Variants in EXPH5 observed in about 807,000 individuals in gnomAD.
EXPH5 encodes exophilin-5.
Under a neutral mutation model 41.1 loss-of-function variants are expected in EXPH5, and 42 were observed. The observed-to-expected ratio is 1.02, with a 90% CI of 0.80 to 1.32. EXPH5 has a LOEUF of 1.32. EXPH5 is among the 40% of genes most tolerant of loss of function. The probability of loss-of-function intolerance (pLI) is 0.00; values close to 1 mark genes in which losing one functional copy is unlikely to be tolerated. For synonymous variants in EXPH5, 798 were observed against 833.5 expected, an observed-to-expected ratio of 0.96 and a Z score of 0.73; for missense variants, 2,298 against 2,314.5, an observed-to-expected ratio of 0.99 and a Z score of 0.15.
At chr11:108,555,680 G>A (rs185601714) in intron 1 of EXPH5, among the ~76,000 whole-genome samples, 9 of 152,232 alleles carry the variant, frequency 5.9e-5, no homozygotes, top group Admixed American at 2.0e-4. Context: ...TCATGGGGGC[G>A]GTTTCCCTAT....
intron 1 of EXPH5, among the ~76,000 whole-genome samples, chr11:108,554,584 A>C (rs753179941): frequency 6.6e-6 from 1 of 151,934 alleles, no homozygotes; most frequent in Non-Finnish European, 1.5e-5. Context: ...TGGGGGTGGG[A>C]ATTATGTATC....
At chr11:108,593,888 G>C (rs1450122398), upstream of EXPH5, 2 of 732,222 alleles carry the variant, frequency 2.7e-6, no homozygotes, top group Non-Finnish European at 4.5e-6. Flanking sequence ...GTCCCCTCCG[G>C]TCACCCTCCC....
In EXPH5 at chr11:108,512,995, C is replaced by T. The variant is rs765871321; in HGVS notation, c.2512G>A (p.Glu838Lys). 7.4e-5 allele frequency: 120 copies of T among 1,613,552 alleles called. No individual in the cohort carries two copies. The highest frequency in any genetic ancestry group is 1.6e-4 in the Middle Eastern group (1 of 6,082). Residue 838 changes from glutamate to lysine, a missense_variant, in exon 6 of 6, where the codon GAA (glutamate) becomes AAA (lysine). By Grantham distance (56) the Glu-to-Lys change is moderately conservative. Transcript: ENST00000265843. ...GCHQELTVNN[E>K]DISRIITNNH... ...TTTGTAATAATTCTTGAAATATCTT[C>T]ATTATTTACAGTTAATTCCTGGTGA...
rs34788119 is a variant in EXPH5, at chr11:108,511,866, CA to C, written c.3640del (p.Cys1214AlafsTer31). On this transcript the variant is annotated frameshift_variant, in exon 6 of 6. Coordinates refer to ENST00000265843, the MANE Select transcript of EXPH5 (RefSeq NM_015065.3). LOFTEE classifies it low-confidence loss of function (END_TRUNC). ...ACGTTCTTTTCCTGACAAGTCTGAG[CA>C]AAAAGGTAAAGGGTCTTCATTTGAA... Reference protein sequence around the residue: ...ALSNEDPLPFCSDLSGKERGK... With the variant: ...ALSNEDPLPFXSDLSGKERGK... The C allele has an allele frequency of 8.2e-6, 13 of 1,585,904 alleles. No individual in the cohort carries two copies. Among genetic ancestry groups the C allele is most frequent in the Admixed American group, 1.9e-5 (1 of 52,554 alleles).
intron 3 of EXPH5, among the ~76,000 whole-genome samples, chr11:108,538,441 G>A (rs2093893144): frequency 6.6e-6 from 1 of 152,200 alleles, no homozygotes; most frequent in East Asian, 1.9e-4. Context: ...CTGGAACTAA[G>A]TTTCCACTGC....
chr11:108,571,739 A>G (rs2094060826), intron 1 of EXPH5, among the ~76,000 whole-genome samples: 1 of 152,280 alleles, frequency 6.6e-6, no homozygotes, highest in Middle Eastern at 3.4e-3. Flanking sequence ...GGAACCACAC[A>G]TAAAATACAT....
chr11:108,605,376 A>G, the EXPH5 span, among the ~76,000 whole-genome samples: 1 of 152,190 alleles, frequency 6.6e-6, no homozygotes, highest in Non-Finnish European at 1.5e-5. Flanking sequence ...TGTGATTCTT[A>G]TAAAAATTAT....
At chr11:108,542,772 G>A (rs759607771) in intron 1 of EXPH5, among the ~76,000 whole-genome samples, 10 of 152,174 alleles carry the variant, frequency 6.6e-5, no homozygotes, top group Admixed American at 1.3e-4. Flanking sequence ...AGGCTGGAGC[G>A]CAGTGGTGTA....
At position 108,511,692 on chromosome 11, in the gene EXPH5, G is replaced by T. The variant is rs770045829; in HGVS notation, c.3815C>A (p.Thr1272Lys). Residue 1272 changes from threonine (T) to lysine (K), a missense_variant, in exon 6 of 6, where the codon ACA becomes AAA. Thr to Lys is a moderately conservative substitution (Grantham distance 78, BLOSUM62 -1). Transcript: ENST00000265843. ...KKFCNLLQQY[T>K]QNTNLLIESP... ...TTCTATAAGTAAATTAGTATTTTGTGTATACTGTTGAAGGAGGTTACAGAA... is the reference window on the plus strand; with the variant it reads ...TTCTATAAGTAAATTAGTATTTTGTTTATACTGTTGAAGGAGGTTACAGAA... 3 of 1,606,190 alleles carry T rather than the reference G, an allele frequency of 1.9e-6. No individual in the cohort carries two copies. Among genetic ancestry groups the T allele is most frequent in the Non-Finnish European group, 2.5e-6 (3 of 1,177,838 alleles).
chr11:108,603,996 G>A, the EXPH5 span, among the ~76,000 whole-genome samples: 8,727 of 152,152 alleles, frequency 0.057, 623 homozygotes, highest in African/African-American at 0.16. Flanking sequence ...GTTGATATTT[G>A]TTAGAAATGG....
chr11:108,561,717 G>A (rs1305017963), intron 1 of EXPH5, among the ~76,000 whole-genome samples: 1 of 152,210 alleles, frequency 6.6e-6, no homozygotes. Flanking sequence ...CTCTTGGCAT[G>A]TCTTAAAATC....
chr11:108,580,798 A>G (rs955030161), intron 1 of EXPH5, among the ~76,000 whole-genome samples: 2 of 152,226 alleles, frequency 1.3e-5, no homozygotes, highest in African/African-American at 4.8e-5. Flanking sequence ...AAATAAACCA[A>G]GAACACAAAG....
intron 1 of EXPH5, among the ~76,000 whole-genome samples, chr11:108,584,790 T>C (rs1365035759): frequency 6.6e-6 from 1 of 152,172 alleles, no homozygotes; most frequent in Non-Finnish European, 1.5e-5. Context: ...GACATAAAAC[T>C]ATAAAACTTT....
chr11:108,577,429 G>GA (rs887893300), intron 1 of EXPH5, among the ~76,000 whole-genome samples: 1 of 150,356 alleles, frequency 6.7e-6, no homozygotes, highest in Admixed American at 6.6e-5. Flanking sequence ...TTTATTTTTT[G>GA]TTTTTTTTGG....
intron 1 of EXPH5, among the ~76,000 whole-genome samples, chr11:108,561,958 T>C (rs561033323): frequency 2.8e-4 from 43 of 152,224 alleles, no homozygotes; most frequent in African/African-American, 9.4e-4. Context: ...GCCTGGTTGA[T>C]TGATTGGCAC....
chr11:108,582,434 C>T (rs191709682), intron 1 of EXPH5, among the ~76,000 whole-genome samples: 4 of 151,788 alleles, frequency 2.6e-5, no homozygotes, highest in African/African-American at 9.7e-5. Context: ...CCACTGCACT[C>T]CAGCCTGGGT....
chr11:108,509,928 C>A lies in EXPH5; in HGVS notation c.5579G>T (p.Gly1860Val), dbSNP rs1239005164. 2 of 1,609,952 alleles carry A rather than the reference C, an allele frequency of 1.2e-6. No homozygotes were observed. Among genetic ancestry groups the A allele is most frequent in the East Asian group, 2.2e-5 (1 of 44,834 alleles). ...GCTGCGATAAGCCCAACTTTCATTTCCATCACAGGAGGGGAGTTCAGAAAA... is the reference window on the plus strand; with the variant it reads ...GCTGCGATAAGCCCAACTTTCATTTACATCACAGGAGGGGAGTTCAGAAAA... ...RSFSELPSCD[G>V]NESWAYRSGT... The change falls in exon 6 of 6, where the codon GGA becomes GTA. Residue 1860 changes from glycine to valine, a missense_variant. Coordinates refer to ENST00000265843, the MANE Select transcript of EXPH5 (RefSeq NM_015065.3).
At chr11:108,538,541 C>T (rs1218964281) in intron 3 of EXPH5, among the ~76,000 whole-genome samples, 1 of 151,780 alleles carries the variant, frequency 6.6e-6, no homozygotes, top group Non-Finnish European at 1.5e-5. Context: ...ATTACATTTC[C>T]TCCCTCTGTT....
rs555695819 is a variant in EXPH5 at position 108,579,284 on chromosome 11, C to A, written c.119+14134G>T. ...TATTAAAATGATCATATGGTTTATGCCCTTGATTCTACCAATGTGATACAT... is the reference window on the plus strand; with the variant it reads ...TATTAAAATGATCATATGGTTTATGACCTTGATTCTACCAATGTGATACAT... On this transcript the variant is annotated intron_variant, in intron 1 of 5. Transcript: ENST00000265843. Among the ~76,000 whole-genome samples, 30 of 151,572 alleles carry A rather than the reference C, an allele frequency of 2.0e-4. No individual in the cohort carries two copies. In the South Asian group the frequency reaches 6.1e-3, roughly 31 times the overall value.
Sources: allele counts gnomAD v4.1 joint callset (sites outside exome capture counted in the v4.1 genomes callset), GRCh38; gene constraint gnomAD v4.1.1; transcripts MANE v1.5; gene names NCBI Gene and HGNC (gene_info 2026-07-23, HGNC 2026-07-21).